The following RBM47 variants were observed in gnomAD, a reference collection of about 807,000 sequenced individuals.
RBM47 encodes the protein RNA-binding protein 47.
RBM47 carries 21 observed loss-of-function variants against 47.1 expected under a neutral mutation model. The observed-to-expected ratio is 0.45, with a 90% CI of 0.32 to 0.64. The LOEUF (loss-of-function observed/expected upper bound fraction) is 0.64, where lower values mean the gene tolerates loss of function less well. Ranked by LOEUF, RBM47 falls within the 30% of genes least tolerant of loss-of-function variation. RBM47 has a pLI of 0.05. For synonymous variants in RBM47, 375 were observed against 361.7 expected, an observed-to-expected ratio of 1.04 and a Z score of -0.42; for missense variants, 708 against 870.9, an observed-to-expected ratio of 0.81 and a Z score of 2.35.
chr4:40,509,488 A>G (rs1271780771), intron 2 of RBM47, among the ~76,000 whole-genome samples: 3 of 152,026 alleles, frequency 2.0e-5, no homozygotes, highest in Non-Finnish European at 4.4e-5. Context: ...TTTAATCCCA[A>G]CAGTTTGGGT....
At chr4:40,622,377 T>C (rs181284239) in intron 1 of RBM47, among the ~76,000 whole-genome samples, 1 of 152,264 alleles carries the variant, frequency 6.6e-6, no homozygotes, top group East Asian at 1.9e-4. Context: ...GGGCAGCCAG[T>C]GCAAAGGCCC....
rs1714786112 is a variant in RBM47, at chr4:40,424,741, T to C, written c.*1163A>G. Reference sequence around the variant, plus strand: ...TTTGCAAGAAACATGGTAAGGCAACTAGAAGCATAACTTTCTGCTGAAAAG... The same window carrying C: ...TTTGCAAGAAACATGGTAAGGCAACCAGAAGCATAACTTTCTGCTGAAAAG... On this transcript the variant is annotated 3_prime_UTR_variant, in exon 7 of 7. Coordinates refer to ENST00000295971, the MANE Select transcript of RBM47 (RefSeq NM_001098634.2). The C allele has an allele frequency of 6.6e-6, 1 of 152,122 alleles. No homozygotes were observed. The highest frequency in any genetic ancestry group is 2.4e-5 in the African/African-American group (1 of 41,432). The allele number at this position is 152,122 out of a possible 1,614,324, so 9.4% of individuals were successfully genotyped here. A position where few individuals can be genotyped will look rare whatever the true frequency, so the allele number is the denominator to read the frequency against.
chr4:40,517,778 T>G (rs1199702994), intron 2 of RBM47, among the ~76,000 whole-genome samples: 1 of 152,252 alleles, frequency 6.6e-6, no homozygotes, highest in Non-Finnish European at 1.5e-5. Flanking sequence ...GACTTCTTTT[T>G]CTTGTCATTA....
chr4:40,538,617 GCCC>G (rs200890268), intron 2 of RBM47, among the ~76,000 whole-genome samples: 3,657 of 151,708 alleles, frequency 0.024, 157 homozygotes, highest in African/African-American at 0.083. Flanking sequence ...AAGCCATGGC[GCCC>G]AGGCTTTTTT....
At chr4:40,531,055 C>T (rs1056107633) in intron 2 of RBM47, among the ~76,000 whole-genome samples, 3 of 152,102 alleles carry the variant, frequency 2.0e-5, no homozygotes, top group Non-Finnish European at 4.4e-5. Context: ...GCCATGATCG[C>T]GGCAGTGCGC....
intron 2 of RBM47, among the ~76,000 whole-genome samples, chr4:40,512,727 AAAAG>A (rs1374210833): frequency 2.6e-5 from 4 of 151,632 alleles, no homozygotes; most frequent in African/African-American, 4.8e-5. Flanking sequence ...AAAAAAAAAA[AAAAG>A]AAAGAAAGAA....
intron 2 of RBM47, among the ~76,000 whole-genome samples, chr4:40,488,824 C>A (rs981063285): frequency 2.0e-5 from 3 of 152,172 alleles, no homozygotes; most frequent in Non-Finnish European, 4.4e-5. Flanking sequence ...CAGTTGTTAC[C>A]ACCAGTTCTG....
intron 2 of RBM47, chr4:40,543,573 C>G (rs1203546334): frequency 6.6e-6 from 1 of 152,056 alleles, no homozygotes; most frequent in Admixed American, 6.6e-5. Flanking sequence ...GTGGGCAGAT[C>G]ACTTGAGGTC....
Position 40,442,685 on chromosome 4 carries a change from T to C in RBM47, c.-31-3761A>G, listed in dbSNP as rs145356094. Reference sequence around the variant, plus strand: ...CAGTATTATTCAGCCTTTTTTCTTTTGCTTTTTTTTTAGACAGAGTCTCAC... The same window carrying C: ...CAGTATTATTCAGCCTTTTTTCTTTCGCTTTTTTTTTAGACAGAGTCTCAC... On this transcript the variant is annotated intron_variant, in intron 3 of 6. Coordinates refer to ENST00000295971, the MANE Select transcript of RBM47 (RefSeq NM_001098634.2). 3.3e-5 allele frequency among the ~76,000 whole-genome samples: 5 copies of C among 152,244 alleles called. No homozygotes were observed. In the East Asian group the frequency reaches 7.7e-4, roughly 24 times the overall value.
Position 40,541,289 on chromosome 4 carries a change from A to G in RBM47, c.-155+3133T>C, listed in dbSNP as rs1485353397. Among the ~76,000 whole-genome samples, 6 of 152,098 alleles carry G rather than the reference A, an allele frequency of 3.9e-5. No homozygotes were observed. In the East Asian group the frequency reaches 1.2e-3, roughly 29 times the overall value. ...AAAAAAAAAAAAAAAAAATCGCATC[A>G]AATTTACTCATAACTAAGAAATCAG... On this transcript the variant is annotated intron_variant, in intron 2 of 6. Coordinates refer to ENST00000295971, the MANE Select transcript of RBM47 (RefSeq NM_001098634.2).
chr4:40,563,303 T>G (rs977061415), intron 1 of RBM47, among the ~76,000 whole-genome samples: 4 of 152,246 alleles, frequency 2.6e-5, no homozygotes, highest in African/African-American at 7.2e-5. Context: ...CAGAAATCTG[T>G]TTTGCTTCCT....
At chr4:40,581,795 A>G (rs1441268672) in intron 1 of RBM47, among the ~76,000 whole-genome samples, 1 of 151,782 alleles carries the variant, frequency 6.6e-6, no homozygotes, top group Non-Finnish European at 1.5e-5. Flanking sequence ...AGTGAAAGGG[A>G]GCTTCAGCAG....
At chr4:40,557,643 G>A (rs1027084195) in intron 1 of RBM47, among the ~76,000 whole-genome samples, 2 of 152,102 alleles carry the variant, frequency 1.3e-5, no homozygotes, top group African/African-American at 4.8e-5. Flanking sequence ...CAGCTACTTG[G>A]GATGCTGAAG....
chr4:40,491,937 A>T (rs1721926639), intron 2 of RBM47: 1 of 156,766 alleles, frequency 6.4e-6, no homozygotes, highest in African/African-American at 2.4e-5. Flanking sequence ...GGGCGCCTAA[A>T]AATTGCACAC....
chr4:40,434,499 G>A (rs1477919672), intron 5 of RBM47, among the ~76,000 whole-genome samples: 9 of 152,000 alleles, frequency 5.9e-5, no homozygotes, highest in African/African-American at 2.2e-4. Flanking sequence ...CTTTTCTCTT[G>A]TTAAACCTTA....
chr4:40,509,804 G>A (rs1469624992), intron 2 of RBM47, among the ~76,000 whole-genome samples: 1 of 151,970 alleles, frequency 6.6e-6, no homozygotes, highest in Non-Finnish European at 1.5e-5. Flanking sequence ...AATGGTGTGA[G>A]CCCGGGAGGC....
chr4:40,582,431 C>G (rs6850652), intron 1 of RBM47, among the ~76,000 whole-genome samples: 63,801 of 151,876 alleles, frequency 0.42, 13,611 homozygotes, highest in East Asian at 0.44. Context: ...CTACTTGGGA[C>G]GCTGAGGCAG....
intron 6 of RBM47, among the ~76,000 whole-genome samples, chr4:40,431,644 C>T (rs1322916036): frequency 6.8e-5 from 8 of 118,372 alleles, no homozygotes; most frequent in South Asian, 3.1e-4. Flanking sequence ...GGCGACAGAG[C>T]GAGACTCCGT....
chr4:40,441,490 T>C (rs990388320), intron 3 of RBM47, among the ~76,000 whole-genome samples: 17 of 152,138 alleles, frequency 1.1e-4, no homozygotes, highest in African/African-American at 4.1e-4. Flanking sequence ...GATATATTTT[T>C]AAGAGGACTA....
Sources: allele counts gnomAD v4.1 joint callset (sites outside exome capture counted in the v4.1 genomes callset), GRCh38; gene constraint gnomAD v4.1.1; transcripts MANE v1.5; gene names NCBI Gene and HGNC (gene_info 2026-07-23, HGNC 2026-07-21).